The following EPHB1 variants were observed in gnomAD, a reference collection of about 807,000 sequenced individuals.
EPHB1 encodes the protein ephrin type-B receptor 1.
EPHB1 carries 30 observed loss-of-function variants against 94.4 expected under a neutral mutation model. The ratio of observed to expected loss-of-function variants is 0.32; its 90% CI spans 0.24 to 0.43. The LOEUF is 0.43. Among genes scored for constraint, EPHB1 ranks in the 20% least tolerant of loss-of-function variants. The pLI, the probability that EPHB1 is intolerant of heterozygous loss-of-function variation, is 1.00. For missense variants in EPHB1, 1,055 were observed against 1,308.3 expected (o/e 0.81, Z 2.99); for synonymous variants, 522 against 489.1 (o/e 1.07, Z -0.89).
At chr3:135,006,821 GTT>G (rs11334891) in intron 3 of EPHB1, among the ~76,000 whole-genome samples, 26 of 150,016 alleles carry the variant, frequency 1.7e-4, no homozygotes, top group Middle Eastern at 3.5e-3. Context: ...ATGATGCCAA[GTT>G]TTTTTTTTTC....
intron 3 of EPHB1, among the ~76,000 whole-genome samples, chr3:134,964,234 G>A (rs80171497): frequency 1.3e-4 from 20 of 152,310 alleles, no homozygotes; most frequent in African/African-American, 4.1e-4. Context: ...GGGAGGAATC[G>A]GGCACAAGGC....
intron 10 of EPHB1, among the ~76,000 whole-genome samples, chr3:135,181,662 C>A (rs147798611): frequency 6.6e-6 from 1 of 152,254 alleles, no homozygotes; most frequent in African/African-American, 2.4e-5. Flanking sequence ...TCCCAGAGAG[C>A]ACACATCAGC....
At chr3:135,037,328 C>G (rs1413195413) in intron 3 of EPHB1, among the ~76,000 whole-genome samples, 1 of 152,194 alleles carries the variant, frequency 6.6e-6, no homozygotes, top group Non-Finnish European at 1.5e-5. Context: ...GCTCCCTGGT[C>G]TTGGCCTTGA....
At chr3:135,129,566 G>C (rs1395350307) in intron 4 of EPHB1, among the ~76,000 whole-genome samples, 1 of 152,236 alleles carries the variant, frequency 6.6e-6, no homozygotes, top group African/African-American at 2.4e-5. Flanking sequence ...GGAGGGCAAA[G>C]TGCTGTCTGG....
chr3:135,059,128 G>C (rs1937425850), intron 3 of EPHB1, among the ~76,000 whole-genome samples: 1 of 152,240 alleles, frequency 6.6e-6, no homozygotes, highest in South Asian at 2.1e-4. Flanking sequence ...TCCCCGATGT[G>C]CAGCAGATTC....
chr3:135,259,926 A>G lies in EPHB1; in HGVS notation c.*806A>G, dbSNP rs1249620052. On this transcript the variant is annotated 3_prime_UTR_variant, in exon 16 of 16. Transcript: ENST00000398015. ...TGCAAACAAGAAAGAAGAACTGGGAAGTCTTTGTCCCTAGGAAATCCAAAG... is the reference window on the plus strand; with the variant it reads ...TGCAAACAAGAAAGAAGAACTGGGAGGTCTTTGTCCCTAGGAAATCCAAAG... The G allele has an allele frequency of 4.3e-6, 1 of 230,746 alleles. No homozygotes were observed. The highest frequency in any genetic ancestry group is 8.6e-6 in the Non-Finnish European group (1 of 116,178). 14.3% of individuals were successfully genotyped at this position (230,746 alleles called of 1,614,324 possible).
At chr3:134,930,811 C>T (rs2038891271) in intron 2 of EPHB1, among the ~76,000 whole-genome samples, 1 of 152,194 alleles carries the variant, frequency 6.6e-6, no homozygotes, top group Admixed American at 6.5e-5. Flanking sequence ...CCCACCATGG[C>T]TGGGGTGGGT....
chr3:135,149,891 G>T (rs1435909714), intron 5 of EPHB1, among the ~76,000 whole-genome samples: 2 of 152,210 alleles, frequency 1.3e-5, no homozygotes, highest in Non-Finnish European at 2.9e-5. Flanking sequence ...TCCATACCAT[G>T]TGTAGTGACA....
intron 3 of EPHB1, among the ~76,000 whole-genome samples, chr3:135,070,317 A>T (rs1469791094): frequency 2.0e-5 from 3 of 152,206 alleles, no homozygotes; most frequent in African/African-American, 7.2e-5. Flanking sequence ...TGGGTCTGAC[A>T]TTCAGGGCTG....
chr3:134,958,939 A>G (rs182962777), intron 3 of EPHB1, among the ~76,000 whole-genome samples: 6 of 152,304 alleles, frequency 3.9e-5, no homozygotes, highest in Admixed American at 3.3e-4. Flanking sequence ...ACACAGGGCT[A>G]GAAGCACCCA....
intron 5 of EPHB1, among the ~76,000 whole-genome samples, chr3:135,137,712 G>C (rs1031392438): frequency 6.6e-6 from 1 of 152,172 alleles, no homozygotes; most frequent in Non-Finnish European, 1.5e-5. Flanking sequence ...GCAAATGAGA[G>C]AGCAGATAGA....
chr3:135,009,105 G>A (rs1419762083), intron 3 of EPHB1, among the ~76,000 whole-genome samples: 1 of 152,170 alleles, frequency 6.6e-6, no homozygotes, highest in African/African-American at 2.4e-5. Flanking sequence ...GAGGAATATG[G>A]ATGCAGGAGC....
intron 3 of EPHB1, among the ~76,000 whole-genome samples, chr3:134,982,458 A>G (rs141875448): frequency 2.1e-4 from 32 of 152,300 alleles, no homozygotes; most frequent in African/African-American, 6.7e-4. Flanking sequence ...CCTGCGTGAG[A>G]AGGCAGGCAA....
chr3:134,798,021 C>T (rs758401786), intron 1 of EPHB1, among the ~76,000 whole-genome samples: 6 of 152,152 alleles, frequency 3.9e-5, no homozygotes, highest in Non-Finnish European at 7.4e-5. Context: ...TTATTTGGTT[C>T]GTGATGAGTG....
intron 5 of EPHB1, among the ~76,000 whole-genome samples, chr3:135,141,555 G>A (rs1940831676): frequency 1.3e-5 from 2 of 152,102 alleles, no homozygotes; most frequent in African/African-American, 4.8e-5. Context: ...TGTAGGGAAG[G>A]AAGCTTGCTA....
Position 135,133,772 on chromosome 3 carries a change from T to G in EPHB1, c.1297+723T>G, listed in dbSNP as rs1396924649. 2.6e-5 allele frequency among the ~76,000 whole-genome samples: 4 copies of G among 152,228 alleles called. No homozygotes were observed. In the East Asian group the frequency reaches 7.7e-4, roughly 29 times the overall value. ...TCTTTATTTCTGAATCTTACACTCT[T>G]CTGATCTTTTCTCTTTATTACTTTT... On this transcript the variant is annotated intron_variant, in intron 5 of 15. Transcript: ENST00000398015.
intron 11 of EPHB1, among the ~76,000 whole-genome samples, chr3:135,195,329 T>TTTTATTTA (rs199716460): frequency 7.9e-5 from 12 of 151,888 alleles, no homozygotes; most frequent in South Asian, 4.2e-4. Context: ...CCTGTTTTCT[T>TTTTATTTA]TTTATTTATT....
chr3:134,847,189 CAAAG>C (rs2036892307), intron 1 of EPHB1, among the ~76,000 whole-genome samples: 1 of 151,716 alleles, frequency 6.6e-6, no homozygotes, highest in African/African-American at 2.4e-5. Flanking sequence ...AAAAAAACCA[CAAAG>C]AGAGGCTGTT....
intron 3 of EPHB1, among the ~76,000 whole-genome samples, chr3:135,030,221 G>C (rs12631533): frequency 3.3e-5 from 5 of 151,950 alleles, no homozygotes; most frequent in Non-Finnish European, 7.4e-5. Context: ...TCTTCTCTCA[G>C]CTCGTCAAAG....
Sources: gnomAD v4.1 joint callset for allele counts (sites outside exome capture counted in the v4.1 genomes callset) on GRCh38, gnomAD v4.1.1 for gene constraint, MANE v1.5 for transcripts, NCBI Gene and HGNC (gene_info 2026-07-23, HGNC 2026-07-21) for gene names.